The following REPS1 variants were observed in gnomAD, a reference collection of about 807,000 sequenced individuals.
The protein encoded by REPS1 is ralBP1-associated Eps domain-containing protein 1.
Under a neutral mutation model 100.9 loss-of-function variants are expected in REPS1, and 39 were observed. The ratio of observed to expected loss-of-function variants is 0.39; its 90% CI spans 0.30 to 0.50. The LOEUF (loss-of-function observed/expected upper bound fraction) is 0.50, where lower values mean the gene tolerates loss of function less well. Ranked by LOEUF, REPS1 falls within the 20% of genes least tolerant of loss-of-function variation. REPS1 has a pLI of 0.86. For synonymous variants in REPS1, 324 were observed against 340.3 expected, an observed-to-expected ratio of 0.95 and a Z score of 0.53; for missense variants, 821 against 968.5, an observed-to-expected ratio of 0.85 and a Z score of 2.02.
intron 17 of REPS1, 94 bp downstream of exon 17, chr6:138,911,182 G>T: frequency 2.5e-6 from 2 of 801,446 alleles, no homozygotes; most frequent in South Asian, 3.0e-5. Flanking sequence ...GCAGAGAAAT[G>T]GGTTAGATGA....
chr6:138,980,685 C>G (rs76259200), intron 1 of REPS1, among the ~76,000 whole-genome samples: 106 of 14,776 alleles, frequency 7.2e-3, no homozygotes, highest in South Asian at 0.012. Context: ...GTGGGTGGGG[C>G]GGGGGGGGGG....
intron 1 of REPS1, among the ~76,000 whole-genome samples, chr6:138,968,002 C>T (rs187468217): frequency 6.6e-6 from 1 of 152,240 alleles, no homozygotes; most frequent in African/African-American, 2.4e-5. Context: ...GGTCACATCC[C>T]GATAAACCCA....
chr6:138,957,601 A>G (rs1364340727), intron 1 of REPS1, among the ~76,000 whole-genome samples: 3 of 152,210 alleles, frequency 2.0e-5, no homozygotes, highest in Non-Finnish European at 4.4e-5. Context: ...AAACAGAGAA[A>G]AAAAGTTGCA....
rs1307961641 is a variant in REPS1 at position 138,941,494 on chromosome 6, A to G, written c.981-5T>C. ...TTATCAAAGTCTGAGAGTTCCCTAG[A>G]AGATAAGTTTATTGTGAATATAATC... is the stretch of plus-strand genomic sequence containing the variant. On this transcript the variant is annotated splice_polypyrimidine_tract_variant and splice_region_variant and intron_variant, in intron 7 of 19. Transcript: ENST00000450536. 2 of 1,612,450 alleles carry G rather than the reference A, an allele frequency of 1.2e-6. No homozygotes were observed. The highest frequency in any genetic ancestry group is 2.2e-5 in the East Asian group (1 of 44,842).
chr6:138,964,431 A>G (rs1013914949), intron 1 of REPS1, among the ~76,000 whole-genome samples: 10 of 152,160 alleles, frequency 6.6e-5, no homozygotes, highest in Non-Finnish European at 1.2e-4. Context: ...AATTCATCAT[A>G]GAAGAATTAC....
At chr6:138,941,941 C>T (rs1346424391) in intron 7 of REPS1, among the ~76,000 whole-genome samples, 2 of 152,216 alleles carry the variant, frequency 1.3e-5, no homozygotes, top group East Asian at 1.9e-4. Context: ...TGCAGTGGCA[C>T]GATCTCGGCC....
At chr6:138,920,599 G>A (rs1780692808) in intron 11 of REPS1, among the ~76,000 whole-genome samples, 1 of 152,138 alleles carries the variant, frequency 6.6e-6, no homozygotes, top group African/African-American at 2.4e-5. Flanking sequence ...TATGTAAACT[G>A]TAAAGTAAGT....
chr6:138,982,655 A>T (rs994712395), intron 1 of REPS1, among the ~76,000 whole-genome samples: 1 of 152,224 alleles, frequency 6.6e-6, no homozygotes, highest in Admixed American at 6.5e-5. Flanking sequence ...AAATCCTATG[A>T]GCCAGATTTT....
chr6:138,929,428 C>T (rs1726035565), intron 9 of REPS1: 1 of 152,220 alleles, frequency 6.6e-6, no homozygotes, highest in African/African-American at 2.4e-5. Context: ...ATATATGACA[C>T]ATCTTAATGC....
intron 1 of REPS1, among the ~76,000 whole-genome samples, chr6:138,986,002 T>C (rs2128519370): frequency 6.6e-6 from 1 of 152,336 alleles, no homozygotes; most frequent in South Asian, 2.1e-4. Flanking sequence ...AGAGTATGAT[T>C]AATGAGCATG....
At chr6:138,970,852 A>C (rs1343114260) in intron 1 of REPS1, among the ~76,000 whole-genome samples, 1 of 152,224 alleles carries the variant, frequency 6.6e-6, no homozygotes, top group Non-Finnish European at 1.5e-5. Flanking sequence ...GGGTACAGGC[A>C]GTAGAGAAGA....
At position 138,985,784 on chromosome 6, in the gene REPS1, A is replaced by C. The variant is rs181524573; in HGVS notation, c.153+1746T>G. Among the ~76,000 whole-genome samples, 1,080 of 152,364 alleles carry C rather than the reference A, an allele frequency of 7.1e-3. 10 individuals are homozygous for C. Among genetic ancestry groups the C allele is most frequent in the African/African-American group, 0.024 (996 of 41,580 alleles). On this transcript the variant is annotated intron_variant, in intron 1 of 19. Coordinates refer to ENST00000450536, the MANE Select transcript of REPS1 (RefSeq NM_001286611.2). ...GCACTGAATTAAACATGTTTGAAGT[A>C]AAGATTCATTAATGCTAATGTGTCT...
At chr6:138,938,917 G>A (rs1009545629) in intron 8 of REPS1, among the ~76,000 whole-genome samples, 7 of 151,156 alleles carry the variant, frequency 4.6e-5, no homozygotes, top group Admixed American at 1.3e-4. Context: ...GCGTGATCTC[G>A]GCTCACTGCA....
intron 8 of REPS1, among the ~76,000 whole-genome samples, chr6:138,939,378 C>T (rs1782077981): frequency 6.6e-6 from 1 of 152,116 alleles, no homozygotes; most frequent in Non-Finnish European, 1.5e-5. Context: ...CTTTGTTAAA[C>T]AGATCTAACA....
intron 8 of REPS1, among the ~76,000 whole-genome samples, chr6:138,930,616 T>A (rs189185779): frequency 2.0e-5 from 3 of 152,170 alleles, no homozygotes; most frequent in Admixed American, 2.0e-4. Context: ...CAGACACACA[T>A]CCTTTTCATC....
chr6:138,913,339 G>C (rs1582709847), intron 15 of REPS1, among the ~76,000 whole-genome samples: 1 of 151,970 alleles, frequency 6.6e-6, no homozygotes, highest in Admixed American at 6.5e-5. Flanking sequence ...ATGTTTCACT[G>C]TTTCTTAAAA....
rs1329795570 is a variant in REPS1, at chr6:138,910,457, G to A, written c.2067+819C>T. Among the ~76,000 whole-genome samples, 3 of 152,034 alleles carry A rather than the reference G, an allele frequency of 2.0e-5. No individual in the cohort carries two copies. In the South Asian group the frequency reaches 6.2e-4, roughly 32 times the overall value. The stretch of plus-strand genomic sequence containing the variant: ...CAACCTCCACCTCCCAGGCTCAAGC[G>A]ATCCCCCCACTTCAGCCTGCCAAGT... On this transcript the variant is annotated intron_variant, in intron 17 of 19. Transcript: ENST00000450536.
At position 138,944,500 on chromosome 6, in the gene REPS1, G is replaced by A; in HGVS notation, c.751C>T (p.Gln251Ter). 8.1e-6 allele frequency: 13 copies of A among 1,613,628 alleles called. No individual in the cohort carries two copies. Among genetic ancestry groups the A allele is most frequent in the Non-Finnish European group, 1.1e-5 (13 of 1,179,734 alleles). ...TLLTMHPASVQDQTTVRTVAS... is the reference protein window; with the variant it reads ...TLLTMHPASV The stretch of plus-strand genomic sequence containing the variant: ...GCAATACCAATAAAATGTCACACCT[G>A]GACAGAAGCAGGATGCATGGTTAAA... Residue 251 changes from glutamine to a stop codon, truncating the protein, a stop_gained and splice_region_variant, in exon 5 of 20, where the codon CAG (glutamine) becomes TAG (stop). Coordinates refer to ENST00000450536, the MANE Select transcript of REPS1 (RefSeq NM_001286611.2). LOFTEE classifies it high-confidence loss of function.
chr6:138,912,869 C>G lies in REPS1; in HGVS notation c.1867G>C (p.Glu623Gln), dbSNP rs767592849. 1 of 1,614,086 alleles carries G rather than the reference C, an allele frequency of 6.2e-7. No individual in the cohort carries two copies. The highest frequency in any genetic ancestry group is 8.5e-7 in the Non-Finnish European group (1 of 1,180,018). ...HTSTSPQQIP[E>Q]QPNFADFSQF... Reference sequence around the variant, plus strand: ...CTGAAATCTGCAAAATTTGGTTGCTCTGGTATCTGCTGAGGTGAGGTACTA... The same window carrying G: ...CTGAAATCTGCAAAATTTGGTTGCTGTGGTATCTGCTGAGGTGAGGTACTA... Residue 623 changes from glutamate to glutamine, a missense_variant, in exon 16 of 20, where the codon GAG becomes CAG. Coordinates refer to ENST00000450536, the MANE Select transcript of REPS1 (RefSeq NM_001286611.2).
Sources: allele counts gnomAD v4.1 joint callset (sites outside exome capture counted in the v4.1 genomes callset), GRCh38; gene constraint gnomAD v4.1.1; transcripts MANE v1.5; gene names NCBI Gene and HGNC (gene_info 2026-07-23, HGNC 2026-07-21).